Variants in CDC16 observed in about 807,000 individuals in gnomAD.
CDC16 encodes cell division cycle 16.
In CDC16, 34 loss-of-function variants were observed where a neutral mutation model predicts 87.0. The observed-to-expected ratio is 0.39, with a 90% CI of 0.30 to 0.52. CDC16 has a LOEUF of 0.52. Among genes scored for constraint, CDC16 ranks in the 20% least tolerant of loss-of-function variants. The probability of loss-of-function intolerance (pLI) is 0.74; values close to 1 mark genes in which losing one functional copy is unlikely to be tolerated. For missense variants in CDC16, 653 were observed against 751.9 expected (o/e 0.87, Z 1.54); for synonymous variants, 263 against 260.6 (o/e 1.01, Z -0.09).
chr13:114,260,300 G>A (rs970967803), intron 14 of CDC16, among the ~76,000 whole-genome samples: 38 of 152,188 alleles, frequency 2.5e-4, no homozygotes, highest in Admixed American at 1.6e-3. Context: ...TTGCACATGC[G>A]TGTATATAAA....
At chr13:114,260,841 G>C (rs2082810100) in intron 14 of CDC16, among the ~76,000 whole-genome samples, 1 of 152,178 alleles carries the variant, frequency 6.6e-6, no homozygotes, top group South Asian at 2.1e-4. Context: ...TAGAGTTAGA[G>C]AATCTGTGGC....
Position 114,272,674 on chromosome 13 carries a change from T to G in CDC16, c.*231T>G, listed in dbSNP as rs1181484716. The stretch of plus-strand genomic sequence containing the variant: ...ATAGTGGAATAAAGAAGGTAAACCA[T>G]CTGTTATGTCTTTTTTTTTCTTTTC... On this transcript the variant is annotated 3_prime_UTR_variant, in exon 18 of 18. Transcript: ENST00000356221. The G allele has an allele frequency of 2.6e-6, 1 of 389,104 alleles. No homozygotes were observed. The highest frequency in any genetic ancestry group is 4.5e-6 in the Non-Finnish European group (1 of 220,254). 24.1% of individuals were successfully genotyped at this position (389,104 alleles called of 1,614,324 possible). A position where few individuals can be genotyped will look rare whatever the true frequency, so the allele number is the denominator to read the frequency against.
At chr13:114,262,817 T>G in intron 15 of CDC16, 62 bp from the exon 16 acceptor site, 1 of 1,566,636 alleles carries the variant, frequency 6.4e-7, no homozygotes, top group Non-Finnish European at 8.8e-7. Flanking sequence ...GGATGGTTGC[T>G]CATCTTAGAC....
At chr13:114,256,554 T>C (rs1373190222) in intron 12 of CDC16, among the ~76,000 whole-genome samples, 2 of 152,246 alleles carry the variant, frequency 1.3e-5, no homozygotes, top group Non-Finnish European at 2.9e-5. Flanking sequence ...CCTAGAACTG[T>C]CTCAGAAGGT....
At chr13:114,253,983 G>C (rs758230065) in intron 12 of CDC16, among the ~76,000 whole-genome samples, 1 of 152,094 alleles carries the variant, frequency 6.6e-6, no homozygotes, top group Non-Finnish European at 1.5e-5. Context: ...CTGTTGTTAG[G>C]TGTGTACATG....
At chr13:114,244,058 A>G (rs183920814) in intron 8 of CDC16, 69 bp downstream of exon 8, 504 of 1,076,634 alleles carry the variant, frequency 4.7e-4, no homozygotes, top group Admixed American at 1.6e-3. Context: ...TGATTCACGG[A>G]CGTGCTCTCT....
At position 114,272,531 on chromosome 13, in the gene CDC16, T is replaced by C; in HGVS notation, c.*88T>C. The C allele has an allele frequency of 2.6e-6, 3 of 1,164,426 alleles. No homozygotes were observed. In the South Asian group the frequency reaches 4.6e-5, roughly 18 times the overall value. The allele number at this position is 1,164,426 out of a possible 1,614,324, so 72.1% of individuals were successfully genotyped here. ...CATGGCTTAAGAATGTCCCACTTCC[T>C]AACGTGACTCCAAACTGCATCTCTA... On this transcript the variant is annotated 3_prime_UTR_variant, in exon 18 of 18. Transcript: ENST00000356221.
chr13:114,249,586 G>A (rs2082056188), intron 11 of CDC16, among the ~76,000 whole-genome samples: 1 of 152,096 alleles, frequency 6.6e-6, no homozygotes. Context: ...TATTCCTTGT[G>A]GGTTAATTAT....
intron 13 of CDC16, among the ~76,000 whole-genome samples, chr13:114,259,054 G>A (rs139298640): frequency 0.01 from 1,461 of 143,596 alleles, 23 homozygotes; most frequent in African/African-American, 0.036. Context: ...AGCTGAGATC[G>A]CACCACTGCA....
intron 7 of CDC16, 113 bp downstream of exon 7, chr13:114,243,461 ATTT>A: frequency 1.7e-6 from 1 of 597,798 alleles, no homozygotes; most frequent in Non-Finnish European, 3.0e-6. Flanking sequence ...AATTTAGCAC[ATTT>A]TTAAGAATAG....
At chr13:114,270,914 CTTTT>C (rs571053869) in intron 17 of CDC16, among the ~76,000 whole-genome samples, 1 of 101,140 alleles carries the variant, frequency 9.9e-6, no homozygotes, top group Non-Finnish European at 1.9e-5. Context: ...AGAGATTTAC[CTTTT>C]TTTTTTTTTT....
intron 14 of CDC16, among the ~76,000 whole-genome samples, chr13:114,261,338 C>G (rs1054252802): frequency 2.0e-5 from 3 of 151,786 alleles, no homozygotes; most frequent in African/African-American, 7.3e-5. Flanking sequence ...TGATTGGGGC[C>G]CAGATTTGAC....
chr13:114,239,150 A>G (rs2081413234), intron 4 of CDC16, 122 bp downstream of exon 4: 1 of 1,465,552 alleles, frequency 6.8e-7, no homozygotes, highest in African/African-American at 1.4e-5. Flanking sequence ...TTCATGAGGA[A>G]GTGTTCCTTT....
intron 13 of CDC16, among the ~76,000 whole-genome samples, chr13:114,258,826 G>A (rs1047571147): frequency 1.3e-5 from 2 of 152,064 alleles, no homozygotes; most frequent in African/African-American, 2.4e-5. Flanking sequence ...GGTTGGGTGC[G>A]GTGGCTCCCG....
chr13:114,242,368 C>G, intron 6 of CDC16, 88 bp downstream of exon 6: 2 of 1,192,134 alleles, frequency 1.7e-6, no homozygotes, highest in Non-Finnish European at 2.4e-6. Flanking sequence ...AAGTCAACAA[C>G]AGGCCACATA....
chr13:114,266,504 C>G (rs1196744014), intron 17 of CDC16, among the ~76,000 whole-genome samples: 3 of 152,234 alleles, frequency 2.0e-5, no homozygotes, highest in Non-Finnish European at 4.4e-5. Flanking sequence ...TCTTAACCAT[C>G]CTGTAATTGT....
intron 6 of CDC16, chr13:114,242,688 A>C (rs1430851192): frequency 5.7e-6 from 1 of 174,108 alleles, no homozygotes; most frequent in African/African-American, 2.4e-5. Context: ...AATCAGTCCA[A>C]GTATGTTGGC....
intron 17 of CDC16, among the ~76,000 whole-genome samples, chr13:114,271,135 A>G (rs916495077): frequency 2.8e-4 from 43 of 151,758 alleles, no homozygotes; most frequent in African/African-American, 9.4e-4. Flanking sequence ...ATTAGCCAGG[A>G]TGGTCTCGAT....
Position 114,272,599 on chromosome 13 carries a change from C to G in CDC16, c.*156C>G. The G allele has an allele frequency of 1.7e-6, 1 of 583,678 alleles. No individual in the cohort carries two copies. Among genetic ancestry groups the G allele is most frequent in the South Asian group, 2.6e-5 (1 of 39,120 alleles). The allele number at this position is 583,678 out of a possible 1,614,324, so 36.2% of individuals were successfully genotyped here. A position where few individuals can be genotyped will look rare whatever the true frequency, so the allele number is the denominator to read the frequency against. The stretch of plus-strand genomic sequence containing the variant: ...CCGCCTTAAGAGACTGGATCGCACA[C>G]CTTTGCAACAGATGTGTTCTGATTC... On this transcript the variant is annotated 3_prime_UTR_variant, in exon 18 of 18. Coordinates refer to ENST00000356221, the MANE Select transcript of CDC16 (RefSeq NM_001078645.3).
Sources: gnomAD v4.1 joint callset for allele counts (sites outside exome capture counted in the v4.1 genomes callset) on GRCh38, gnomAD v4.1.1 for gene constraint, MANE v1.5 for transcripts, NCBI Gene and HGNC (gene_info 2026-07-23, HGNC 2026-07-21) for gene names.